GRID2: variants seen among roughly 807,000 people sequenced by gnomAD.
The protein encoded by GRID2 is glutamate receptor ionotropic, delta-2.
In GRID2, 33 loss-of-function variants were observed where a neutral mutation model predicts 114.8. That is an observed-to-expected ratio of 0.29 (90% CI 0.22 to 0.38). The LOEUF (loss-of-function observed/expected upper bound fraction) is 0.38. GRID2 is among the 10% of genes least tolerant of loss of function. The probability of loss-of-function intolerance (pLI) is 1.00; values close to 1 mark genes in which losing one functional copy is unlikely to be tolerated. For missense variants in GRID2, 1,184 were observed against 1,257.7 expected (o/e 0.94, Z 0.89); for synonymous variants, 505 against 449.9 (o/e 1.12, Z -1.55).
At chr4:93,554,801 A>T (rs918807063) in intron 13 of GRID2, among the ~76,000 whole-genome samples, 5 of 152,144 alleles carry the variant, frequency 3.3e-5, no homozygotes, top group Middle Eastern at 3.2e-3. Context: ...AATACCTGAG[A>T]CGGGAGGTGG....
At chr4:93,530,168 A>AC (rs1160504006) in intron 13 of GRID2, among the ~76,000 whole-genome samples, 4 of 152,108 alleles carry the variant, frequency 2.6e-5, no homozygotes, top group Non-Finnish European at 4.4e-5. Context: ...CTCCTGGACT[A>AC]CAGAAATAAC....
chr4:92,615,662 T>A (rs1729972013), intron 2 of GRID2, among the ~76,000 whole-genome samples: 1 of 151,690 alleles, frequency 6.6e-6, no homozygotes, highest in South Asian at 2.1e-4. Flanking sequence ...GTGCTTTTTA[T>A]TGCTATACCT....
chr4:92,624,029 T>C (rs1054111497), intron 2 of GRID2, among the ~76,000 whole-genome samples: 1 of 151,886 alleles, frequency 6.6e-6, no homozygotes, highest in African/African-American at 2.4e-5. Context: ...CTGCAGAACA[T>C]ACTGTAGATA....
intron 13 of GRID2, among the ~76,000 whole-genome samples, chr4:93,528,384 A>C (rs116721847): frequency 0.014 from 2,129 of 151,020 alleles, 51 homozygotes; most frequent in African/African-American, 0.047. Context: ...GCACCATTTT[A>C]CCTTCACACA....
chr4:93,134,623 T>C (rs1735076565), intron 4 of GRID2, among the ~76,000 whole-genome samples: 1 of 152,200 alleles, frequency 6.6e-6, no homozygotes, highest in South Asian at 2.1e-4. Context: ...ATGAACATAA[T>C]GAACATCATT....
intron 1 of GRID2, among the ~76,000 whole-genome samples, chr4:93,790,587 G>T (rs191451515): frequency 2.0e-5 from 3 of 149,482 alleles, no homozygotes; most frequent in African/African-American, 7.4e-5. Flanking sequence ...TTGCTCTGTC[G>T]CCAGGCTGCA....
intron 14 of GRID2, among the ~76,000 whole-genome samples, chr4:93,732,445 G>A (rs1176847036): frequency 6.6e-6 from 1 of 152,108 alleles, no homozygotes; most frequent in South Asian, 2.1e-4. Context: ...AACTCAGCAG[G>A]TTTATGCCTG....
chr4:93,663,702 A>C (rs1723701528), intron 14 of GRID2, among the ~76,000 whole-genome samples: 1 of 152,132 alleles, frequency 6.6e-6, no homozygotes, highest in South Asian at 2.1e-4. Context: ...GTTATTATGG[A>C]ATTTTTGGCT....
chr4:93,663,768 A>G lies in GRID2; in HGVS notation c.2360+37333A>G, dbSNP rs142138275. 1.8e-4 allele frequency among the ~76,000 whole-genome samples: 28 copies of G among 152,272 alleles called. No homozygotes were observed. The East Asian group carries it at 4.8e-3, about 26-fold the overall frequency. On this transcript the variant is annotated intron_variant, in intron 14 of 15. Transcript: ENST00000282020. Reference sequence around the variant, plus strand: ...CCTATATTTCAAGAAGGCAATCTCTAAAACTTTGAGTGTATTAGTGAATTC... The same window carrying G: ...CCTATATTTCAAGAAGGCAATCTCTGAAACTTTGAGTGTATTAGTGAATTC...
intron 14 of GRID2, among the ~76,000 whole-genome samples, chr4:93,741,792 T>C (rs1207956602): frequency 2.6e-5 from 4 of 151,878 alleles, no homozygotes; most frequent in Non-Finnish European, 4.4e-5. Flanking sequence ...GGCATGGTGG[T>C]GCACGCCTGT....
chr4:92,374,033 CCCCCG>C (rs1729238699), intron 1 of GRID2, among the ~76,000 whole-genome samples: 1 of 151,820 alleles, frequency 6.6e-6, no homozygotes. Context: ...ATTCAAAGCC[CCCCCG>C]CCCTGCCACC....
In GRID2 at chr4:92,603,170, T is replaced by G. The variant is rs565229893; in HGVS notation, c.244+12884T>G. Among the ~76,000 whole-genome samples, 11 of 152,248 alleles carry G rather than the reference T, an allele frequency of 7.2e-5. No individual in the cohort carries two copies. The South Asian group carries it at 2.3e-3, about 32-fold the overall frequency. On this transcript the variant is annotated intron_variant, in intron 2 of 15. Coordinates refer to ENST00000282020, the MANE Select transcript of GRID2 (RefSeq NM_001510.4). Reference sequence around the variant, plus strand: ...AATGCTATTCCCATTAAACTACCGATGACATTCTTCAGAGAATTAGAAAAA... The same window carrying G: ...AATGCTATTCCCATTAAACTACCGAGGACATTCTTCAGAGAATTAGAAAAA...
At chr4:93,136,978 T>C (rs1012229726) in intron 4 of GRID2, among the ~76,000 whole-genome samples, 1 of 152,244 alleles carries the variant, frequency 6.6e-6, no homozygotes, top group African/African-American at 2.4e-5. Context: ...TTGCATAGTT[T>C]ATAATCTAAA....
chr4:92,964,837 A>G (rs948929089), intron 2 of GRID2, among the ~76,000 whole-genome samples: 4 of 152,158 alleles, frequency 2.6e-5, no homozygotes, highest in Admixed American at 1.3e-4. Flanking sequence ...GGTTTGATCT[A>G]TTCAGACCAC....
chr4:92,944,414 C>T (rs999438614), intron 2 of GRID2, among the ~76,000 whole-genome samples: 1 of 152,216 alleles, frequency 6.6e-6, no homozygotes, highest in Admixed American at 6.5e-5. Context: ...TTTGCTAAGA[C>T]AGTTGGAAAA....
intron 8 of GRID2, among the ~76,000 whole-genome samples, chr4:93,356,830 C>G (rs1761383733): frequency 6.6e-6 from 1 of 151,752 alleles, no homozygotes; most frequent in South Asian, 2.1e-4. Context: ...CAAACATTTA[C>G]ATTATTTTGC....
chr4:92,442,430 C>G (rs983801128), intron 1 of GRID2, among the ~76,000 whole-genome samples: 1 of 151,998 alleles, frequency 6.6e-6, no homozygotes, highest in Non-Finnish European at 1.5e-5. Flanking sequence ...GTGTAGCAAG[C>G]TCCTTGGGGA....
At chr4:92,304,841 G>A in intron 1 of GRID2, 97 bp downstream of exon 1, 1 of 870,084 alleles carries the variant, frequency 1.1e-6, no homozygotes, top group Non-Finnish European at 1.9e-6. Flanking sequence ...TGTGTGTCTT[G>A]TTGGAGGTGG....
At chr4:93,026,416 A>G (rs1406834480) in intron 2 of GRID2, among the ~76,000 whole-genome samples, 2 of 151,916 alleles carry the variant, frequency 1.3e-5, no homozygotes. Context: ...AGAATGAATT[A>G]TATCGGAAAC....
Sources: gnomAD v4.1 joint callset for allele counts (sites outside exome capture counted in the v4.1 genomes callset) on GRCh38, gnomAD v4.1.1 for gene constraint, MANE v1.5 for transcripts, NCBI Gene and HGNC (gene_info 2026-07-23, HGNC 2026-07-21) for gene names.